The following NALF1 variants were observed in gnomAD, a reference collection of about 807,000 sequenced individuals.
NALF1 encodes NALCN channel auxiliary factor 1, also known as family with sequence similarity 155 member A.
Under a neutral mutation model 48.4 loss-of-function variants are expected in NALF1, and 3 were observed. The ratio of observed to expected loss-of-function variants is 0.06; its 90% CI spans 0.03 to 0.16. The LOEUF (loss-of-function observed/expected upper bound fraction) is 0.16, where lower values mean the gene tolerates loss of function less well. Ranked by LOEUF, NALF1 falls within the 10% of genes least tolerant of loss-of-function variation. The pLI, the probability that NALF1 is intolerant of heterozygous loss-of-function variation, is 1.00. For synonymous variants in NALF1, 262 were observed against 245.7 expected, an observed-to-expected ratio of 1.07 and a Z score of -0.62; for missense variants, 526 against 571.5, an observed-to-expected ratio of 0.92 and a Z score of 0.81.
chr13:107,356,027 T>C (rs1240623212), intron 1 of NALF1, among the ~76,000 whole-genome samples: 2 of 152,212 alleles, frequency 1.3e-5, no homozygotes, highest in East Asian at 3.8e-4. Context: ...CTGTCTTTAC[T>C]ATGTCAAGTT....
intron 1 of NALF1, among the ~76,000 whole-genome samples, chr13:107,855,287 G>C (rs901724006): frequency 2.6e-5 from 4 of 152,176 alleles, no homozygotes; most frequent in African/African-American, 9.6e-5. Flanking sequence ...CCCCCGGCCC[G>C]TGGGCTGCTG....
chr13:107,343,874 T>C (rs1882726487), intron 1 of NALF1, among the ~76,000 whole-genome samples: 1 of 150,784 alleles, frequency 6.6e-6, no homozygotes, highest in African/African-American at 2.4e-5. Context: ...ATCAACAAAG[T>C]AGAGAACAGA....
chr13:107,528,435 T>C (rs1426203055), intron 1 of NALF1, among the ~76,000 whole-genome samples: 2 of 152,150 alleles, frequency 1.3e-5, no homozygotes, highest in Admixed American at 1.3e-4. Context: ...TTAAAACATG[T>C]CCCTTTAAAG....
chr13:107,354,553 C>A (rs910876928), intron 1 of NALF1, among the ~76,000 whole-genome samples: 1 of 152,156 alleles, frequency 6.6e-6, no homozygotes, highest in African/African-American at 2.4e-5. Flanking sequence ...ACTCACCTCC[C>A]ACCAGGTCCG....
chr13:107,497,198 G>A (rs1431052691), intron 1 of NALF1, among the ~76,000 whole-genome samples: 1 of 151,912 alleles, frequency 6.6e-6, no homozygotes, highest in Non-Finnish European at 1.5e-5. Flanking sequence ...AAAATAAATT[G>A]CTATATCTCA....
rs563913198 is a variant in NALF1, at chr13:107,406,536, A to C, written c.916-195781T>G. ...ATGACATACCAAAAAATGAAAGTAT[A>C]TTCCATGTTCATGGATTAGAAGAAT... On this transcript the variant is annotated intron_variant, in intron 1 of 2. Coordinates refer to ENST00000375915, the MANE Select transcript of NALF1 (RefSeq NM_001080396.3). Among the ~76,000 whole-genome samples the C allele has an allele frequency of 2.2e-3, 331 of 152,194 alleles. 2 individuals are homozygous for C. The highest frequency in any genetic ancestry group is 7.1e-3 in the African/African-American group (294 of 41,568).
intron 1 of NALF1, among the ~76,000 whole-genome samples, chr13:107,859,331 C>A (rs550306554): frequency 2.0e-5 from 3 of 152,100 alleles, no homozygotes; most frequent in Admixed American, 6.5e-5. Flanking sequence ...AGATCAATAA[C>A]GGTATTTAAA....
chr13:107,418,165 A>G (rs1216771996), intron 1 of NALF1, among the ~76,000 whole-genome samples: 2 of 152,174 alleles, frequency 1.3e-5, no homozygotes, highest in African/African-American at 4.8e-5. Context: ...CAGTAGAGGT[A>G]AAATTACTGT....
intron 1 of NALF1, among the ~76,000 whole-genome samples, chr13:107,438,827 C>CAAAAAAAA (rs61686895): frequency 0.17 from 3,042 of 17,902 alleles, 892 homozygotes; most frequent in Middle Eastern, 0.5. Flanking sequence ...GACTCCATCT[C>CAAAAAAAA]AAAAAAAAAA....
chr13:107,826,022 G>A (rs1594296335), intron 1 of NALF1, among the ~76,000 whole-genome samples: 1 of 152,274 alleles, frequency 6.6e-6, no homozygotes, highest in African/African-American at 2.4e-5. Context: ...CTCGTGACCT[G>A]CCCACCTCTG....
intron 1 of NALF1, among the ~76,000 whole-genome samples, chr13:107,415,372 GGA>G (rs35123822): frequency 0.2 from 30,641 of 151,232 alleles, 3,478 homozygotes; most frequent in Middle Eastern, 0.26. Context: ...AGGGCCATAA[GGA>G]GAGAGTTTTT....
rs1184476551 is a variant in NALF1, at chr13:107,737,017, G to A, written c.915+128665C>T. Among the ~76,000 whole-genome samples the A allele has an allele frequency of 2.0e-5, 3 of 152,164 alleles. No individual in the cohort carries two copies. The East Asian group carries it at 5.8e-4, about 29-fold the overall frequency. On this transcript the variant is annotated intron_variant, in intron 1 of 2. Coordinates refer to ENST00000375915, the MANE Select transcript of NALF1 (RefSeq NM_001080396.3). ...ACACATATTTCCATGAATTATAACT[G>A]GGTGTTTTATCTGTTCAACCAATTT...
intron 1 of NALF1, among the ~76,000 whole-genome samples, chr13:107,242,840 C>T (rs1880504477): frequency 6.6e-6 from 1 of 152,120 alleles, no homozygotes; most frequent in African/African-American, 2.4e-5. Context: ...CAGGTGAGCT[C>T]TCAACTACCT....
chr13:107,515,243 G>A (rs1482334342), intron 1 of NALF1, among the ~76,000 whole-genome samples: 1 of 152,170 alleles, frequency 6.6e-6, no homozygotes, highest in Non-Finnish European at 1.5e-5. Context: ...AATGATGACA[G>A]TGATGACAGT....
At chr13:107,312,962 C>G (rs1298981723) in intron 1 of NALF1, among the ~76,000 whole-genome samples, 1 of 152,076 alleles carries the variant, frequency 6.6e-6, no homozygotes, top group Non-Finnish European at 1.5e-5. Context: ...GCAAAACAAA[C>G]CAACAAGGGA....
intron 1 of NALF1, among the ~76,000 whole-genome samples, chr13:107,812,636 ACTT>A (rs1380242695): frequency 2.0e-5 from 3 of 152,160 alleles, no homozygotes; most frequent in African/African-American, 4.8e-5. Flanking sequence ...AGCATGTAAA[ACTT>A]CTTATGATTG....
chr13:107,421,594 T>C (rs1884189527), intron 1 of NALF1, among the ~76,000 whole-genome samples: 1 of 152,146 alleles, frequency 6.6e-6, no homozygotes, highest in Non-Finnish European at 1.5e-5. Context: ...CTGACAGTTA[T>C]CACAACATAA....
At chr13:107,436,379 C>T (rs1479519023) in intron 1 of NALF1, among the ~76,000 whole-genome samples, 1 of 151,956 alleles carries the variant, frequency 6.6e-6, no homozygotes, top group Admixed American at 6.6e-5. Flanking sequence ...GGAGATCATC[C>T]CAGACAATGT....
chr13:107,293,960 T>A (rs1881678517), intron 1 of NALF1, among the ~76,000 whole-genome samples: 1 of 152,246 alleles, frequency 6.6e-6, no homozygotes, highest in African/African-American at 2.4e-5. Flanking sequence ...AATTGGAAGA[T>A]AAAACAAGGG....
Sources: allele counts gnomAD v4.1 joint callset (sites outside exome capture counted in the v4.1 genomes callset), GRCh38; gene constraint gnomAD v4.1.1; transcripts MANE v1.5; gene names NCBI Gene and HGNC (gene_info 2026-07-23, HGNC 2026-07-21).